PPM1L: variants seen among roughly 807,000 people sequenced by gnomAD.
PPM1L encodes the protein protein phosphatase 1L.
In PPM1L, 13 loss-of-function variants were observed where a neutral mutation model predicts 31.4. The ratio of observed to expected loss-of-function variants is 0.41; its 90% confidence interval spans 0.27 to 0.66. The LOEUF is 0.66. Among genes scored for constraint, PPM1L ranks in the 30% least tolerant of loss-of-function variants. The pLI, the probability that PPM1L is intolerant of heterozygous loss-of-function variation, is 0.29. For missense variants in PPM1L, 326 were observed against 453.7 expected (o/e 0.72, Z 2.56); for synonymous variants, 184 against 175.4 (o/e 1.05, Z -0.39).
chr3:160,877,457 G>T (rs1288047436), intron 1 of PPM1L, among the ~76,000 whole-genome samples: 2 of 152,172 alleles, frequency 1.3e-5, no homozygotes, highest in African/African-American at 2.4e-5. Context: ...CCAGCTCATA[G>T]AAATAATTTT....
intron 1 of PPM1L, among the ~76,000 whole-genome samples, chr3:160,775,945 A>G (rs1560104133): frequency 6.6e-6 from 1 of 152,218 alleles, no homozygotes; most frequent in Non-Finnish European, 1.5e-5. Context: ...TTAGAACTCA[A>G]ACATTCTTGG....
intron 1 of PPM1L, among the ~76,000 whole-genome samples, chr3:160,867,141 C>T (rs1025261442): frequency 6.6e-6 from 1 of 152,120 alleles, no homozygotes; most frequent in African/African-American, 2.4e-5. Context: ...ATCAATTTAT[C>T]TTACAACTTT....
At chr3:160,927,963 C>T (rs1052891659) in intron 1 of PPM1L, among the ~76,000 whole-genome samples, 6 of 152,096 alleles carry the variant, frequency 3.9e-5, no homozygotes, top group African/African-American at 1.4e-4. Flanking sequence ...TACCACAAAG[C>T]CTGGACTAAA....
At chr3:160,949,932 G>C (rs776178450) in intron 1 of PPM1L, among the ~76,000 whole-genome samples, 2 of 152,106 alleles carry the variant, frequency 1.3e-5, no homozygotes, top group Admixed American at 6.6e-5. Context: ...TACTGAATTT[G>C]TTCTTTATTT....
chr3:160,844,922 C>T (rs1045291295), intron 1 of PPM1L, among the ~76,000 whole-genome samples: 2 of 152,020 alleles, frequency 1.3e-5, no homozygotes, highest in African/African-American at 4.8e-5. Context: ...TCCTTGTCCC[C>T]CCAACCTAGG....
At chr3:160,879,946 T>G (rs1480150128) in intron 1 of PPM1L, among the ~76,000 whole-genome samples, 1 of 152,154 alleles carries the variant, frequency 6.6e-6, no homozygotes, top group African/African-American at 2.4e-5. Flanking sequence ...ATGCTTCCTT[T>G]CATCATTCAC....
chr3:160,998,980 T>C (rs1187861485), intron 2 of PPM1L, among the ~76,000 whole-genome samples: 1 of 152,150 alleles, frequency 6.6e-6, no homozygotes, highest in East Asian at 1.9e-4. Flanking sequence ...AGAAAGCCGG[T>C]GGTGAAAAGA....
At chr3:161,006,723 C>G (rs367908960) in intron 2 of PPM1L, among the ~76,000 whole-genome samples, 29 of 145,974 alleles carry the variant, frequency 2.0e-4, no homozygotes, top group African/African-American at 6.9e-4. Flanking sequence ...TGATCTGTCG[C>G]CCAGGCTGGA....
intron 1 of PPM1L, among the ~76,000 whole-genome samples, chr3:160,765,574 T>C (rs1319278450): frequency 6.6e-6 from 1 of 152,210 alleles, no homozygotes. Context: ...CAAACATCTG[T>C]TCTAATCTAC....
Position 161,068,683 on chromosome 3 carries a change from G to A in PPM1L, c.737-128G>A. The A allele has an allele frequency of 7.1e-6, 5 of 701,580 alleles. No individual in the cohort carries two copies. In the South Asian group the frequency reaches 7.7e-5, roughly 11 times the overall value. The allele number at this position is 701,580 out of a possible 1,614,324, so 43.5% of individuals were successfully genotyped here. A position where few individuals can be genotyped will look rare whatever the true frequency, so the allele number is the denominator to read the frequency against. ...CCATGCAGTGGGTCCCAGGAGTGAT[G>A]GGGTTAAGGGGAGTGCCCACAGCCC... On this transcript the variant is annotated intron_variant, in intron 3 of 3. Coordinates refer to ENST00000498165, the MANE Select transcript of PPM1L (RefSeq NM_139245.4).
chr3:161,042,581 C>T (rs1718942429), intron 2 of PPM1L, among the ~76,000 whole-genome samples: 1 of 152,160 alleles, frequency 6.6e-6, no homozygotes, highest in African/African-American at 2.4e-5. Flanking sequence ...GTCTATGGGC[C>T]TAGACCAACT....
chr3:160,857,127 T>TA (rs1301756922), intron 1 of PPM1L, among the ~76,000 whole-genome samples: 2 of 152,196 alleles, frequency 1.3e-5, no homozygotes, highest in African/African-American at 2.4e-5. Flanking sequence ...CACTTCTTTT[T>TA]AAAAAAATGC....
chr3:160,994,517 C>G (rs1717243464), intron 2 of PPM1L, among the ~76,000 whole-genome samples: 1 of 152,236 alleles, frequency 6.6e-6, no homozygotes, highest in East Asian at 1.9e-4. Flanking sequence ...CTCAACTGTT[C>G]CTCATAGAAA....
chr3:160,834,187 A>AC (rs1713620231), intron 1 of PPM1L, among the ~76,000 whole-genome samples: 3 of 151,722 alleles, frequency 2.0e-5, no homozygotes, highest in Non-Finnish European at 4.4e-5. Context: ...TCATGCCCAG[A>AC]TAATTTTTTG....
intron 1 of PPM1L, among the ~76,000 whole-genome samples, chr3:160,955,252 C>G (rs1288126317): frequency 6.6e-6 from 1 of 152,032 alleles, no homozygotes; most frequent in African/African-American, 2.4e-5. Flanking sequence ...CTCGTGATTA[C>G]TGCCTGCCTC....
chr3:160,881,847 T>G (rs569826702), intron 1 of PPM1L, among the ~76,000 whole-genome samples: 2 of 152,064 alleles, frequency 1.3e-5, no homozygotes, highest in Admixed American at 1.3e-4. Flanking sequence ...GTCAGGAGAT[T>G]GAGACCATCC....
chr3:161,013,740 C>A (rs989938516), intron 2 of PPM1L, among the ~76,000 whole-genome samples: 9 of 152,088 alleles, frequency 5.9e-5, no homozygotes, highest in Admixed American at 1.3e-4. Flanking sequence ...TAGGATAGTT[C>A]GGTCTTCTTG....
chr3:160,926,466 T>C (rs1714593293), intron 1 of PPM1L, among the ~76,000 whole-genome samples: 1 of 152,200 alleles, frequency 6.6e-6, no homozygotes. Flanking sequence ...GATTGCTCTT[T>C]TGTTTCATTT....
intron 1 of PPM1L, among the ~76,000 whole-genome samples, chr3:160,838,911 AT>A (rs1713790748): frequency 6.6e-6 from 1 of 152,194 alleles, no homozygotes; most frequent in Non-Finnish European, 1.5e-5. Context: ...TAATACCCAA[AT>A]TTATATGTTG....
Sources: gnomAD v4.1 joint callset for allele counts (sites outside exome capture counted in the v4.1 genomes callset) on GRCh38, gnomAD v4.1.1 for gene constraint, MANE v1.5 for transcripts, NCBI Gene and HGNC (gene_info 2026-07-23, HGNC 2026-07-21) for gene names.